COXFA4L2: variants seen among roughly 807,000 people sequenced by gnomAD.
COXFA4L2 encodes the protein cytochrome c oxidase hypoxia associated subunit FA4L2.
the COXFA4L2 span, among the ~76,000 whole-genome samples, chr12:57,239,099 G>A: frequency 1.3e-5 from 2 of 152,214 alleles, no homozygotes; most frequent in Non-Finnish European, 2.9e-5. The surrounding 1 kb of genome is among the most constrained non-coding windows in gnomAD (Gnocchi z 5.5). Context: ...CCGGGATCCC[G>A]CTGGGACTGG....
chr12:57,235,762 T>C, the COXFA4L2 span: 9 of 1,590,248 alleles, frequency 5.7e-6, no homozygotes, highest in South Asian at 6.8e-5. Context: ...GTATTGGTCA[T>C]TGGGGCTCAG....
At chr12:57,239,739 T>C in the COXFA4L2 span, 2 of 153,522 alleles carry the variant, frequency 1.3e-5, no homozygotes, top group Non-Finnish European at 2.9e-5. The surrounding 1 kb of genome is among the most constrained non-coding windows in gnomAD (Gnocchi z 5.5). Flanking sequence ...TCTTGCTGCC[T>C]TCCCTACCTG....
At chr12:57,235,680 C>T in the COXFA4L2 span, 27 of 1,611,948 alleles carry the variant, frequency 1.7e-5, no homozygotes, top group African/African-American at 1.1e-4. Context: ...GCTTCTAGTA[C>T]GGGAGTTGTG....
At chr12:57,240,259 T>G in the COXFA4L2 span, 2 of 152,066 alleles carry the variant, frequency 1.3e-5, no homozygotes, top group Non-Finnish European at 2.9e-5. Flanking sequence ...CATCTGTTTA[T>G]GCAAAGCGCT....
the COXFA4L2 span, chr12:57,235,034 C>T: frequency 5.8e-4 from 92 of 157,990 alleles, no homozygotes; most frequent in African/African-American, 1.5e-3. Flanking sequence ...CTGGCGGCAG[C>T]GGGAGGCAGT....
chr12:57,240,211 GCGC>G, the COXFA4L2 span: 1 of 152,196 alleles, frequency 6.6e-6, no homozygotes, highest in East Asian at 1.9e-4. Flanking sequence ...GCCGGGAGCT[GCGC>G]GGTGAGCGAA....
At chr12:57,239,187 G>T in the COXFA4L2 span, among the ~76,000 whole-genome samples, 8 of 152,368 alleles carry the variant, frequency 5.3e-5, no homozygotes, top group South Asian at 1.7e-3. The surrounding 1 kb of genome is among the most constrained non-coding windows in gnomAD (Gnocchi z 5.5). Context: ...GGGACTCAGC[G>T]GATCGAGCGT....
the COXFA4L2 span, among the ~76,000 whole-genome samples, chr12:57,239,147 G>A: frequency 6.6e-6 from 1 of 152,234 alleles, no homozygotes; most frequent in Admixed American, 6.5e-5. The surrounding 1 kb of genome is among the most constrained non-coding windows in gnomAD (Gnocchi z 5.5). Flanking sequence ...CCCAATCCGC[G>A]CGCTGGCTGC....
the COXFA4L2 span, chr12:57,237,312 ACTCT>A: frequency 7.0e-7 from 1 of 1,419,940 alleles, no homozygotes; most frequent in Non-Finnish European, 9.2e-7. Context: ...CTGCTCTCCG[ACTCT>A]CTCCTCCAGA....
the COXFA4L2 span, chr12:57,240,008 G>A: frequency 6.6e-5 from 10 of 152,226 alleles, no homozygotes; most frequent in African/African-American, 2.4e-4. Context: ...ACCTCCACAT[G>A]CCCGTCAACT....
At chr12:57,236,359 G>A in the COXFA4L2 span, 4 of 492,358 alleles carry the variant, frequency 8.1e-6, no homozygotes, top group African/African-American at 4.0e-5. Context: ...CAACCCGGCC[G>A]GGAGAGGCGC....
chr12:57,239,317 G>T, the COXFA4L2 span, among the ~76,000 whole-genome samples: 8 of 152,364 alleles, frequency 5.3e-5, no homozygotes, highest in East Asian at 1.5e-3. This position sits in a 1 kb window ranked among gnomAD's most constrained non-coding sequence, Gnocchi z 5.5. Context: ...CGTTCGGGCC[G>T]CTAAGTTGGT....
At chr12:57,235,178 C>T in the COXFA4L2 span, 5 of 252,012 alleles carry the variant, frequency 2.0e-5, no homozygotes, top group Admixed American at 4.9e-5. Context: ...ACGTGGAGCC[C>T]GCCACGTCGC....
chr12:57,235,267 G>T, the COXFA4L2 span: 26 of 532,650 alleles, frequency 4.9e-5, no homozygotes, highest in Non-Finnish European at 7.8e-5. Flanking sequence ...ACCCTTCGAG[G>T]CCCGGGTAGG....
At chr12:57,235,695 C>G in the COXFA4L2 span, 2 of 1,611,798 alleles carry the variant, frequency 1.2e-6, no homozygotes, top group South Asian at 2.2e-5. Context: ...GTTGTGGGTG[C>G]CAGGACCAGG....
the COXFA4L2 span, chr12:57,236,997 G>A: frequency 6.2e-7 from 1 of 1,613,824 alleles, no homozygotes; most frequent in Non-Finnish European, 8.5e-7. Flanking sequence ...GGAGAGTTAG[G>A]AGTTAGAGGT....
chr12:57,236,340 T>C, the COXFA4L2 span: 1 of 475,476 alleles, frequency 2.1e-6, no homozygotes, highest in Non-Finnish European at 3.7e-6. Flanking sequence ...CTGAGCGGCG[T>C]CGTCATGGCA....
chr12:57,238,118 C>G, the COXFA4L2 span, among the ~76,000 whole-genome samples: 5 of 152,276 alleles, frequency 3.3e-5, no homozygotes, highest in East Asian at 7.7e-4. The surrounding 1 kb of genome is among the most constrained non-coding windows in gnomAD (Gnocchi z 6.8). Flanking sequence ...TCCTCGCAGC[C>G]GATCCTGCAG....
chr12:57,235,561 G>C, the COXFA4L2 span: 1 of 1,613,544 alleles, frequency 6.2e-7, no homozygotes, highest in Non-Finnish European at 8.5e-7. Context: ...GCCCAGCCTG[G>C]CTTAGAAGTC....
Sources: gnomAD v4.1 joint callset for allele counts (sites outside exome capture counted in the v4.1 genomes callset) on GRCh38, gnomAD v4.1.1 for gene constraint, Gnocchi (gnomAD v3.1) non-coding constraint, MANE v1.5 for transcripts, NCBI Gene and HGNC (gene_info 2026-07-23, HGNC 2026-07-21) for gene names.